GSTA3: variants seen among roughly 807,000 people sequenced by gnomAD.
GSTA3 encodes glutathione S-transferase alpha 3.
A neutral mutation model predicts 23.1 loss-of-function variants in GSTA3; 16 were observed. The ratio of observed to expected loss-of-function variants is 0.69; its 90% CI spans 0.47 to 1.05. The LOEUF is 1.05. Among genes scored for constraint, GSTA3 ranks in the 50% least tolerant of loss-of-function variants. The pLI, the probability that GSTA3 is intolerant of heterozygous loss-of-function variation, is 0.00. For synonymous variants in GSTA3, 122 were observed against 91.0 expected (o/e 1.34, Z -1.94); for missense variants, 319 against 263.6 (o/e 1.21, Z -1.46).
intron 2 of GSTA3, among the ~76,000 whole-genome samples, chr6:52,904,536 G>C (rs1765825437): frequency 6.6e-6 from 1 of 152,150 alleles, no homozygotes. Context: ...GTGCCGCCCC[G>C]AGGTTCAGGT....
chr6:52,902,535 G>A, intron 3 of GSTA3, 57 bp from the exon 4 acceptor site: 1 of 1,516,606 alleles, frequency 6.6e-7, no homozygotes, highest in Non-Finnish European at 9.0e-7. Context: ...CACTATTTCA[G>A]GAAGAAAAAT....
intron 1 of GSTA3, among the ~76,000 whole-genome samples, chr6:52,908,509 T>C (rs1765970522): frequency 6.6e-6 from 1 of 152,014 alleles, no homozygotes; most frequent in South Asian, 2.1e-4. Context: ...AATGAGACTG[T>C]CTCAAAACAA....
chr6:52,907,956 C>T (rs998950002), intron 1 of GSTA3, among the ~76,000 whole-genome samples: 5 of 151,332 alleles, frequency 3.3e-5, no homozygotes, highest in Non-Finnish European at 5.9e-5. Context: ...CACATGTACC[C>T]TACAACTTAA....
Position 52,897,840 on chromosome 6 carries a change from G to A in GSTA3, c.531C>T (p.Asn177=), listed in dbSNP as rs772756711. The change falls in exon 6 of 7, where the codon AAC becomes AAT. Residue 177 remains asparagine (N), a synonymous_variant. Coordinates refer to ENST00000211122, the MANE Select transcript of GSTA3 (RefSeq NM_000847.5). ...VEELDSSLIS[N]FPLLKALKTR... ...AATGGGTCACCTTCAGCAGAGGGAA[G>A]TTGGAGATAAGGCTGGAGTCAAGCT... The A allele has an allele frequency of 8.7e-6, 14 of 1,613,680 alleles. No homozygotes were observed. Among genetic ancestry groups the A allele is most frequent in the Non-Finnish European group, 1.1e-5 (13 of 1,179,864 alleles).
intron 2 of GSTA3, among the ~76,000 whole-genome samples, chr6:52,904,458 C>T (rs758994835): frequency 5.9e-5 from 9 of 152,158 alleles, no homozygotes; most frequent in African/African-American, 1.9e-4. Flanking sequence ...GTGTGGATTT[C>T]TTGTGTGCTT....
chr6:52,903,687 T>C lies in GSTA3; in HGVS notation c.128A>G (p.Lys43Arg). The C allele has an allele frequency of 1.3e-6, 2 of 1,580,190 alleles. No homozygotes were observed. The highest frequency in any genetic ancestry group is 1.7e-6 in the Non-Finnish European group (2 of 1,149,522). The change falls in exon 3 of 7, where the codon AAG (lysine) becomes AGG (arginine). Residue 43 changes from lysine (K) to arginine (R), a missense_variant. Lys to Arg is a conservative substitution (Grantham distance 26). Coordinates refer to ENST00000211122, the MANE Select transcript of GSTA3 (RefSeq NM_000847.5). ...AGACTTGATCTTACCATTTCTTAAC[T>C]TTCCCAAATCTTCTGCAGATCCTAT... Reference protein sequence around the residue: ...KFIGSAEDLGKLRNDGSLMFQ... With the variant: ...KFIGSAEDLGRLRNDGSLMFQ...
intron 4 of GSTA3, among the ~76,000 whole-genome samples, chr6:52,900,650 T>C (rs1371549372): frequency 1.3e-5 from 2 of 152,178 alleles, no homozygotes; most frequent in Non-Finnish European, 2.9e-5. Context: ...ACAAAGAGCA[T>C]CGGTGACCTG....
chr6:52,899,412 C>T (rs1765590338), intron 5 of GSTA3, among the ~76,000 whole-genome samples: 2 of 152,184 alleles, frequency 1.3e-5, no homozygotes. Context: ...GCACTGACGT[C>T]TGCAACTTAC....
chr6:52,908,190 G>T (rs1042717579), intron 1 of GSTA3, among the ~76,000 whole-genome samples: 20 of 145,340 alleles, frequency 1.4e-4, no homozygotes, highest in Admixed American at 4.9e-4. Context: ...TGCCTATAGC[G>T]CTCACTGTTT....
intron 5 of GSTA3, among the ~76,000 whole-genome samples, chr6:52,898,576 A>G (rs952465947): frequency 4.6e-5 from 7 of 152,180 alleles, no homozygotes; most frequent in African/African-American, 1.7e-4. Context: ...TATAAGTGGT[A>G]TCATTGTTCC....
rs1000948717 is a variant in GSTA3, at chr6:52,897,942, A to T, written c.429T>A (p.His143Gln). The T allele has an allele frequency of 6.2e-7, 1 of 1,614,042 alleles. No individual in the cohort carries two copies. The highest frequency in any genetic ancestry group is 8.5e-7 in the Non-Finnish European group (1 of 1,179,932). ...TGTTGCCAACAAGGTAGTCTTGTCC[A>T]TGGCTCTGTAACACCTGGAGAATTT... ...FPAFEKVLQSHGQDYLVGNKL... is the reference protein window; with the variant it reads ...FPAFEKVLQSQGQDYLVGNKL... Residue 143 changes from histidine to glutamine, a missense_variant, in exon 6 of 7, where the codon CAT (histidine) becomes CAA (glutamine). Coordinates refer to ENST00000211122, the MANE Select transcript of GSTA3 (RefSeq NM_000847.5).
Position 52,903,746 on chromosome 6 carries a change from A to C in GSTA3, c.88-19T>G. ...CTTCAAACTGGAAGCAGAAACAGTA[A>C]ATGGGTTCTTGTTAGTTCGTTCCAT... On this transcript the variant is annotated intron_variant, in intron 2 of 6. Transcript: ENST00000211122. 6.6e-7 allele frequency: 1 copy of C among 1,523,548 alleles called. No individual in the cohort carries two copies. The highest frequency in any genetic ancestry group is 9.1e-7 in the Non-Finnish European group (1 of 1,098,688). 94.4% of individuals were successfully genotyped at this position (1,523,548 alleles called of 1,614,324 possible).
In GSTA3 at chr6:52,897,907, C is replaced by T. The variant is rs535547121; in HGVS notation, c.464G>A (p.Arg155Gln). 7.7e-5 allele frequency: 124 copies of T among 1,613,888 alleles called. No homozygotes were observed. The highest frequency in any genetic ancestry group is 3.3e-4 in the South Asian group (30 of 91,068). Residue 155 changes from arginine (R) to glutamine (Q), a missense_variant, in exon 6 of 7, where the codon CGG becomes CAG. Transcript: ENST00000211122. ...AAGTTCCACCAGGCTAATGTCAGCC[C>T]GGCTCAGCTTGTTGCCAACAAGGTA... is the stretch of plus-strand genomic sequence containing the variant. Reference protein sequence around the residue: ...QDYLVGNKLSRADISLVELLY... With the variant: ...QDYLVGNKLSQADISLVELLY...
intron 1 of GSTA3, among the ~76,000 whole-genome samples, chr6:52,907,947 A>C (rs1765949005): frequency 6.6e-6 from 1 of 151,944 alleles, no homozygotes; most frequent in African/African-American, 2.4e-5. Context: ...CACATTGTGC[A>C]CATGTACCCT....
At chr6:52,899,004 G>A (rs45502501) in intron 5 of GSTA3, among the ~76,000 whole-genome samples, 2,747 of 152,250 alleles carry the variant, frequency 0.018, 47 homozygotes, top group Middle Eastern at 0.054. Flanking sequence ...GCCGGCAATC[G>A]GAATGAGTTA....
At chr6:52,900,818 C>A (rs1322996610) in intron 4 of GSTA3, among the ~76,000 whole-genome samples, 2 of 152,206 alleles carry the variant, frequency 1.3e-5, no homozygotes, top group African/African-American at 2.4e-5. Flanking sequence ...CCAAGAGAGT[C>A]CCTGGCACAG....
chr6:52,900,078 G>A lies in GSTA3; in HGVS notation c.273-3C>T, dbSNP rs201685211. 3.1e-6 allele frequency: 5 copies of A among 1,593,184 alleles called. No homozygotes were observed. In the Admixed American group the frequency reaches 9.1e-5, roughly 29 times the overall value. ...TACCTTCTGTATACATATCAATTCT[G>A]AAAGACAAAAACAGCCAAAGCATCA... On this transcript the variant is annotated splice_polypyrimidine_tract_variant and splice_region_variant and intron_variant, in intron 4 of 6. Coordinates refer to ENST00000211122, the MANE Select transcript of GSTA3 (RefSeq NM_000847.5).
intron 4 of GSTA3, among the ~76,000 whole-genome samples, chr6:52,900,470 C>T (rs1343834049): frequency 2.0e-5 from 3 of 152,040 alleles, no homozygotes; most frequent in Non-Finnish European, 4.4e-5. Flanking sequence ...TCCATGTTGG[C>T]CAGGCTGGTC....
chr6:52,899,786 T>C (rs1276365266), intron 5 of GSTA3, 148 bp downstream of exon 5: 5 of 792,144 alleles, frequency 6.3e-6, no homozygotes, highest in Non-Finnish European at 1.1e-5. Context: ...AAGTCAATTT[T>C]CATAAAATGC....
Sources: allele counts gnomAD v4.1 joint callset (sites outside exome capture counted in the v4.1 genomes callset), GRCh38; gene constraint gnomAD v4.1.1; transcripts MANE v1.5; gene names NCBI Gene and HGNC (gene_info 2026-07-23, HGNC 2026-07-21).